Variants in TPD52 observed in about 807,000 individuals in gnomAD.
TPD52 encodes the protein prostate and colon associated protein.
TPD52 carries 17 observed loss-of-function variants against 31.3 expected under a neutral mutation model. The observed-to-expected ratio is 0.54, with a 90% CI of 0.37 to 0.82. The LOEUF (loss-of-function observed/expected upper bound fraction) is 0.82. Ranked by LOEUF, TPD52 falls within the 40% of genes least tolerant of loss-of-function variation. The pLI, the probability that TPD52 is intolerant of heterozygous loss-of-function variation, is 0.00. For synonymous variants in TPD52, 83 were observed against 89.6 expected, an observed-to-expected ratio of 0.93 and a Z score of 0.42; for missense variants, 212 against 240.1, an observed-to-expected ratio of 0.88 and a Z score of 0.77.
At chr8:80,088,012 C>A (rs1306237334) in intron 1 of TPD52, among the ~76,000 whole-genome samples, 1 of 152,152 alleles carries the variant, frequency 6.6e-6, no homozygotes, top group East Asian at 1.9e-4. Flanking sequence ...AAACCTCTGC[C>A]TCTCCCTATT....
At chr8:80,041,991 A>G (rs969172335) in intron 7 of TPD52, 1 of 177,134 alleles carries the variant, frequency 5.6e-6, no homozygotes, top group African/African-American at 2.4e-5. Context: ...CGGGAGGCTG[A>G]GGCAGGAGAA....
chr8:80,046,551 T>C (rs976497785), intron 5 of TPD52, among the ~76,000 whole-genome samples: 1 of 152,220 alleles, frequency 6.6e-6, no homozygotes. Context: ...TTAAATGTAA[T>C]ATGGAAACCT....
chr8:80,111,692 A>G (rs1807505781), intron 1 of TPD52, among the ~76,000 whole-genome samples: 1 of 152,214 alleles, frequency 6.6e-6, no homozygotes, highest in South Asian at 2.1e-4. Context: ...GCATCTGACT[A>G]TAAAATATAT....
At chr8:80,078,655 C>T (rs1215557640) in intron 1 of TPD52, among the ~76,000 whole-genome samples, 1 of 152,158 alleles carries the variant, frequency 6.6e-6, no homozygotes, top group Non-Finnish European at 1.5e-5. Flanking sequence ...TGTTTTAATG[C>T]TTGTTCACCC....
chr8:80,062,685 AG>A (rs1812679216), intron 2 of TPD52, among the ~76,000 whole-genome samples: 1 of 152,198 alleles, frequency 6.6e-6, no homozygotes. Context: ...AACATGGGCC[AG>A]GAACAGTGGC....
chr8:80,119,794 TTAATGTATGAAAATACTTACATTTTA>T (rs1215140157), intron 1 of TPD52: 1 of 378,344 alleles, frequency 2.6e-6, no homozygotes, highest in Admixed American at 4.0e-5. Flanking sequence ...ATAAAGGAAT[TTAATGTATGAAAATACTTACATTTTA>T]TATGAGTGGA....
At position 80,036,522 on chromosome 8, in the gene TPD52, T is replaced by C. The variant is rs1229613560; in HGVS notation, c.*1594A>G. ...AAATTTTTTTTTTTTAAGCATAGACTCCAGTTGATTCGGTACAACAAGCTG... is the reference window on the plus strand; with the variant it reads ...AAATTTTTTTTTTTTAAGCATAGACCCCAGTTGATTCGGTACAACAAGCTG... On this transcript the variant is annotated 3_prime_UTR_variant, in exon 8 of 8. Coordinates refer to ENST00000518937, the MANE Select transcript of TPD52 (RefSeq NM_001025253.3). 1 of 152,538 alleles carries C rather than the reference T, an allele frequency of 6.6e-6. No homozygotes were observed. The highest frequency in any genetic ancestry group is 1.5e-5 in the Non-Finnish European group (1 of 68,026). 9.4% of individuals were successfully genotyped at this position (152,538 alleles called of 1,614,324 possible).
At chr8:80,144,997 T>C (rs1810095012) in intron 1 of TPD52, among the ~76,000 whole-genome samples, 1 of 152,210 alleles carries the variant, frequency 6.6e-6, no homozygotes, top group African/African-American at 2.4e-5. Flanking sequence ...GGGTTATTTT[T>C]TAATTCATTT....
At chr8:80,123,203 G>C (rs189374517) in intron 1 of TPD52, 2 of 152,430 alleles carry the variant, frequency 1.3e-5, no homozygotes, top group Admixed American at 1.3e-4. Context: ...CAATTTGAAA[G>C]GGCCAAAAGC....
chr8:80,080,970 T>G (rs2130829193), intron 1 of TPD52: 1 of 162,278 alleles, frequency 6.2e-6, no homozygotes, highest in East Asian at 1.9e-4. Context: ...AAATGCCATC[T>G]GAGTGATACT....
chr8:80,142,754 T>C, intron 1 of TPD52, among the ~76,000 whole-genome samples: 1 of 152,030 alleles, frequency 6.6e-6, no homozygotes, highest in African/African-American at 2.4e-5. Context: ...CTTCCCTTCC[T>C]TACCCCTACA....
At chr8:80,078,484 C>T (rs1814849349) in intron 1 of TPD52, among the ~76,000 whole-genome samples, 2 of 152,178 alleles carry the variant, frequency 1.3e-5, no homozygotes, top group Admixed American at 1.3e-4. Context: ...TTCATTCCAT[C>T]GACCAACCAT....
At chr8:80,150,159 G>T (rs113861654) in intron 1 of TPD52, among the ~76,000 whole-genome samples, 1 of 152,234 alleles carries the variant, frequency 6.6e-6, no homozygotes, top group Non-Finnish European at 1.5e-5. Flanking sequence ...AAGGGGCCAA[G>T]GTACAGCTCC....
chr8:80,113,195 G>A (rs1426146), intron 1 of TPD52, among the ~76,000 whole-genome samples: 67,252 of 150,616 alleles, frequency 0.45, 15,440 homozygotes, highest in East Asian at 0.79. Flanking sequence ...ACCCTACCTT[G>A]ACCACCTATT....
chr8:80,095,877 G>A (rs541145164), intron 1 of TPD52, among the ~76,000 whole-genome samples: 2 of 152,188 alleles, frequency 1.3e-5, no homozygotes, highest in Non-Finnish European at 2.9e-5. Flanking sequence ...GAACCCAGGA[G>A]GCGGAGGTTT....
chr8:80,143,222 C>T (rs535689031), intron 1 of TPD52, among the ~76,000 whole-genome samples: 82 of 152,208 alleles, frequency 5.4e-4, no homozygotes, highest in African/African-American at 1.8e-3. Context: ...AAGAACAATG[C>T]TTGTCAAATC....
At chr8:80,056,923 C>G (rs1183300350) in intron 2 of TPD52, among the ~76,000 whole-genome samples, 2 of 152,156 alleles carry the variant, frequency 1.3e-5, no homozygotes, top group Non-Finnish European at 2.9e-5. Flanking sequence ...AATCCCAGCA[C>G]TTTGGGAGGC....
chr8:80,092,776 T>TA (rs34983351), intron 1 of TPD52, among the ~76,000 whole-genome samples: 29 of 146,134 alleles, frequency 2.0e-4, no homozygotes, highest in South Asian at 6.5e-4. Context: ...TACCACAATT[T>TA]AAAAAAAAAA....
intron 1 of TPD52, among the ~76,000 whole-genome samples, chr8:80,136,179 T>TAAA (rs796723826): frequency 1.6e-5 from 2 of 121,492 alleles, no homozygotes; most frequent in East Asian, 3.2e-4. Context: ...GTCTTTGAGG[T>TAAA]TAAAAAAAAA....
Sources: gnomAD v4.1 joint callset for allele counts (sites outside exome capture counted in the v4.1 genomes callset) on GRCh38, gnomAD v4.1.1 for gene constraint, MANE v1.5 for transcripts, NCBI Gene and HGNC (gene_info 2026-07-23, HGNC 2026-07-21) for gene names.